The following GPHN variants were observed in gnomAD, a reference collection of about 807,000 sequenced individuals.
GPHN encodes gephyrin.
A neutral mutation model predicts 95.5 loss-of-function variants in GPHN; 17 were observed. The observed-to-expected ratio is 0.18, with a 90% CI of 0.12 to 0.27. GPHN has a LOEUF of 0.27. Among genes scored for constraint, GPHN ranks in the 10% least tolerant of loss-of-function variants. GPHN has a pLI of 1.00. For missense variants in GPHN, 660 were observed against 978.1 expected, an observed-to-expected ratio of 0.67 and a Z score of 4.34; for synonymous variants, 320 against 322.5, an observed-to-expected ratio of 0.99 and a Z score of 0.08.
At chr14:67,204,063 T>C in the GPHN span, among the ~76,000 whole-genome samples, 3 of 152,154 alleles carry the variant, frequency 2.0e-5, no homozygotes, top group Admixed American at 1.3e-4. Context: ...TAAGATGAGA[T>C]GGTTCTCAGG....
At position 66,517,748 on chromosome 14, in the gene GPHN, A is replaced by T. The variant is rs144264365; in HGVS notation, c.64+9157A>T. ...AAAAAGGATATCCATATGCAGAAGA[A>T]TGAAACTAGAGCCCCACCTCTTATT... On this transcript the variant is annotated intron_variant, in intron 1 of 22. Transcript: ENST00000478722. 5.2e-3 allele frequency among the ~76,000 whole-genome samples: 778 copies of T among 150,298 alleles called. 7 individuals are homozygous for T. The highest frequency in any genetic ancestry group is 0.019 in the African/African-American group (748 of 40,134).
At chr14:67,473,946 G>A in the GPHN span, 11 of 1,581,482 alleles carry the variant, frequency 7.0e-6, no homozygotes, top group Admixed American at 1.8e-5. This position sits in a 1 kb window ranked among gnomAD's most constrained non-coding sequence, Gnocchi z 6.5. Flanking sequence ...GGCTGGCTGC[G>A]GGGGGCGCAA....
At chr14:66,881,803 A>G (rs541136986) in intron 5 of GPHN, among the ~76,000 whole-genome samples, 196 of 151,992 alleles carry the variant, frequency 1.3e-3, no homozygotes, top group African/African-American at 4.4e-3. Context: ...GCTGATTCTA[A>G]TTACTTTGGA....
At chr14:67,309,281 T>A in the GPHN span, among the ~76,000 whole-genome samples, 3 of 152,138 alleles carry the variant, frequency 2.0e-5, no homozygotes, top group Middle Eastern at 3.2e-3. Context: ...CTTCTAGAAC[T>A]GGTAAGAATT....
the GPHN span, among the ~76,000 whole-genome samples, chr14:67,201,279 A>T: frequency 5.2e-4 from 79 of 152,320 alleles, no homozygotes; most frequent in Non-Finnish European, 9.3e-4. Flanking sequence ...GGATGATAAG[A>T]CAAGACTTTG....
chr14:66,515,979 A>G (rs2058223982), intron 1 of GPHN, among the ~76,000 whole-genome samples: 2 of 151,522 alleles, frequency 1.3e-5, no homozygotes, highest in African/African-American at 4.9e-5. Context: ...AAGCACCAAA[A>G]CTGTTTTTAT....
At chr14:66,514,069 A>G (rs2058146968) in intron 1 of GPHN, among the ~76,000 whole-genome samples, 1 of 152,016 alleles carries the variant, frequency 6.6e-6, no homozygotes, top group Admixed American at 6.6e-5. Context: ...AGTACATGAC[A>G]TTGTGTCAAG....
intron 5 of GPHN, among the ~76,000 whole-genome samples, chr14:66,914,580 G>T (rs1366772154): frequency 6.6e-6 from 1 of 151,934 alleles, no homozygotes; most frequent in Non-Finnish European, 1.5e-5. Flanking sequence ...AATTGTTATG[G>T]TAATATTTCT....
At chr14:67,503,569 G>C in the GPHN span, 6 of 152,198 alleles carry the variant, frequency 3.9e-5, no homozygotes, top group African/African-American at 1.4e-4. Flanking sequence ...AAATGACAGA[G>C]GGTAGCAGTT....
chr14:66,814,392 G>A (rs987537847), intron 3 of GPHN, among the ~76,000 whole-genome samples: 2 of 152,124 alleles, frequency 1.3e-5, no homozygotes, highest in Non-Finnish European at 1.5e-5. Flanking sequence ...CACCTGCAGG[G>A]AGGCAGGCAC....
chr14:67,381,762 C>CT, the GPHN span: 30,677 of 807,114 alleles, frequency 0.038, no homozygotes, highest in East Asian at 0.044. Context: ...ATCTTTGTTT[C>CT]TTTTTTTTTT....
intron 9 of GPHN, among the ~76,000 whole-genome samples, chr14:66,980,806 T>A (rs2070607416): frequency 6.6e-6 from 1 of 152,226 alleles, no homozygotes; most frequent in African/African-American, 2.4e-5. Flanking sequence ...ATCTCAGCAC[T>A]TTGGGAGGCC....
chr14:67,390,538 C>CA, the GPHN span: 1 of 751,952 alleles, frequency 1.3e-6, no homozygotes, highest in Non-Finnish European at 2.4e-6. Context: ...AGGCATGGTG[C>CA]AGCAGACTTT....
At chr14:66,656,253 C>T (rs1236944131) in intron 1 of GPHN, among the ~76,000 whole-genome samples, 2 of 152,082 alleles carry the variant, frequency 1.3e-5, no homozygotes, top group Non-Finnish European at 2.9e-5. Context: ...TTTTAAAATA[C>T]AAATCCAATG....
chr14:66,890,291 C>A (rs6573733), intron 5 of GPHN, among the ~76,000 whole-genome samples: 1 of 151,708 alleles, frequency 6.6e-6, no homozygotes, highest in African/African-American at 2.4e-5. Context: ...ACCTGTAGTC[C>A]CAGCTACTCA....
intron 1 of GPHN, among the ~76,000 whole-genome samples, chr14:66,524,345 C>T (rs1308128587): frequency 6.6e-6 from 1 of 151,778 alleles, no homozygotes; most frequent in Non-Finnish European, 1.5e-5. Context: ...GTTAAATAAA[C>T]AATGATTTGG....
chr14:67,035,661 T>G (rs1238758220), intron 10 of GPHN, among the ~76,000 whole-genome samples: 2 of 151,840 alleles, frequency 1.3e-5, no homozygotes, highest in Non-Finnish European at 3.0e-5. Context: ...AACCTTGGTG[T>G]TCAGTCACAG....
chr14:66,558,636 T>G (rs1266086875), intron 1 of GPHN, among the ~76,000 whole-genome samples: 1 of 152,186 alleles, frequency 6.6e-6, no homozygotes, highest in African/African-American at 2.4e-5. Context: ...ACTTTTTAAT[T>G]GCTTATGTCA....
At chr14:67,401,058 G>A in the GPHN span, among the ~76,000 whole-genome samples, 1 of 152,004 alleles carries the variant, frequency 6.6e-6, no homozygotes, top group Non-Finnish European at 1.5e-5. Flanking sequence ...TCCAAAATTC[G>A]TATGTTGAAT....
Sources: allele counts gnomAD v4.1 joint callset (sites outside exome capture counted in the v4.1 genomes callset), GRCh38; gene constraint gnomAD v4.1.1; non-coding constraint Gnocchi (gnomAD v3.1); transcripts MANE v1.5; gene names NCBI Gene and HGNC (gene_info 2026-07-23, HGNC 2026-07-21).